The following WDR86 variants were observed in gnomAD, a reference collection of about 807,000 sequenced individuals.
The protein encoded by WDR86 is WD repeat-containing protein 86.
In WDR86, 30 loss-of-function variants were observed where a neutral mutation model predicts 36.5. That is an observed-to-expected ratio of 0.82 (90% CI 0.61 to 1.11). The LOEUF is 1.11. WDR86 is among the 50% of genes most tolerant of loss of function. The pLI, the probability that WDR86 is intolerant of heterozygous loss-of-function variation, is 0.00. For synonymous variants in WDR86, 255 were observed against 252.9 expected, an observed-to-expected ratio of 1.01 and a Z score of -0.08; for missense variants, 545 against 561.2, an observed-to-expected ratio of 0.97 and a Z score of 0.29.
downstream of WDR86, chr7:151,377,819 CCA>C (rs1798372196): frequency 6.6e-6 from 1 of 152,232 alleles, no homozygotes; most frequent in African/African-American, 2.4e-5. Flanking sequence ...GCCTGGGACG[CCA>C]GTGTTTTATG....
downstream of WDR86, chr7:151,377,313 A>T: frequency 1.0e-6 from 1 of 958,812 alleles, no homozygotes; most frequent in Non-Finnish European, 1.5e-6. Flanking sequence ...CTTACTTTTT[A>T]TCTGAATTAC....
chr7:151,376,718 C>T (rs1798292981), downstream of WDR86: 1 of 1,607,864 alleles, frequency 6.2e-7, no homozygotes. Flanking sequence ...CGCCCAGACC[C>T]TTGCTCACAA....
At chr7:151,387,153 G>C (rs1449348838) in intron 3 of WDR86, among the ~76,000 whole-genome samples, 18 of 152,160 alleles carry the variant, frequency 1.2e-4, no homozygotes. Flanking sequence ...AGTGGGCAAG[G>C]GTGGAATGTT....
At chr7:151,372,195 C>G (rs1368113765), downstream of WDR86, among the ~76,000 whole-genome samples, 1 of 152,228 alleles carries the variant, frequency 6.6e-6, no homozygotes, top group Non-Finnish European at 1.5e-5. Context: ...TACAGTGCCT[C>G]TCTCTTGAGA....
In WDR86 at chr7:151,401,006, G is replaced by C. The variant is rs1327325744; in HGVS notation, c.164-765C>G. Among the ~76,000 whole-genome samples the C allele has an allele frequency of 6.6e-6, 1 of 152,204 alleles. No individual in the cohort carries two copies. The highest frequency in any genetic ancestry group is 1.5e-5 in the Non-Finnish European group (1 of 68,050). On this transcript the variant is annotated intron_variant, in intron 1 of 5. Transcript: ENST00000334493. The surrounding 1 kb of genome is among the most constrained non-coding windows in gnomAD (Gnocchi z 4.3). ...GATTTAAGATGCCAGTGAGACATGT[G>C]ACGTATGAACAGGGATGCACAGCCA...
chr7:151,408,857 C>G (rs1038451093), intron 1 of WDR86: 1 of 467,242 alleles, frequency 2.1e-6, no homozygotes, highest in African/African-American at 2.0e-5. Context: ...CCATCTACCC[C>G]TCACTGGCTG....
chr7:151,371,002 A>G (rs1388318709), downstream of WDR86, among the ~76,000 whole-genome samples: 1 of 152,158 alleles, frequency 6.6e-6, no homozygotes, highest in Non-Finnish European at 1.5e-5. Context: ...CTCATCTTAC[A>G]CATGGGAAGA....
rs1801034775 is a variant in WDR86 at position 151,409,503 on chromosome 7, G to A, written c.87C>T (p.Arg29=). 3 of 1,533,174 alleles carry A rather than the reference G, an allele frequency of 2.0e-6. No individual in the cohort carries two copies. The African/African-American group carries it at 4.1e-5, about 21-fold the overall frequency. 95.0% of individuals were successfully genotyped at this position (1,533,174 alleles called of 1,614,324 possible). The part of the protein sequence containing the change: ...NWLSLSPDGQ[R]LLTGSEDGTA... ...TGCCGTCCTCGCTGCCCGTCAGCAG[G>A]CGCTGCCCGTCGGGGCTCAGGCTCA... Residue 29 remains arginine (R), a synonymous_variant, in exon 1 of 6, where the codon CGC becomes CGT. Transcript: ENST00000334493. This position sits in a 1 kb window ranked among gnomAD's most constrained non-coding sequence, Gnocchi z 5.2.
At chr7:151,385,395 G>T in intron 3 of WDR86, 172 bp from the exon 4 acceptor site, 2 of 1,198,996 alleles carry the variant, frequency 1.7e-6, no homozygotes, top group Non-Finnish European at 2.3e-6. Flanking sequence ...GCACCCAAAA[G>T]CAGGCGGCTG....
the WDR86 span, among the ~76,000 whole-genome samples, chr7:151,370,270 G>T: frequency 6.6e-6 from 1 of 152,018 alleles, no homozygotes; most frequent in Admixed American, 6.5e-5. Context: ...TGTATTTTTA[G>T]TAGAGATGGG....
chr7:151,410,052 T>C, upstream of WDR86: 3 of 987,150 alleles, frequency 3.0e-6, no homozygotes, highest in Non-Finnish European at 3.6e-6. Context: ...GCCTGGCTCC[T>C]CCTCAGAGAC....
intron 3 of WDR86, among the ~76,000 whole-genome samples, chr7:151,393,180 G>T (rs73474452): frequency 6.6e-6 from 1 of 152,222 alleles, no homozygotes; most frequent in South Asian, 2.1e-4. Context: ...ATGTACGTGC[G>T]TGGCTTGTCT....
Position 151,381,321 on chromosome 7 carries a change from C to CAGGACTAGGACTAG in WDR86, c.*260_*261insCTAGTCCTAGTCCT, listed in dbSNP as rs1239898708. The CAGGACTAGGACTAG allele has an allele frequency of 5.2e-5, 71 of 1,353,006 alleles. No individual in the cohort carries two copies. Among genetic ancestry groups the CAGGACTAGGACTAG allele is most frequent in the Non-Finnish European group, 6.5e-5 (69 of 1,058,644 alleles). The allele number at this position is 1,353,006 out of a possible 1,614,324, so 83.8% of individuals were successfully genotyped here. On this transcript the variant is annotated 3_prime_UTR_variant, in exon 6 of 6. Coordinates refer to ENST00000334493, the MANE Select transcript of WDR86 (RefSeq NM_198285.3). This position sits in a 1 kb window ranked among gnomAD's most constrained non-coding sequence, Gnocchi z 4.8. Reference sequence around the variant, plus strand: ...GGAGGGTCCCCAGGACTAGGCCTTTCGCCAGGTCAGGGATGGGGAGGGAGG... The same window carrying CAGGACTAGGACTAG: ...GGAGGGTCCCCAGGACTAGGCCTTTCAGGACTAGGACTAGGCCAGGTCAGGGATGGGGAGGGAGG...
At chr7:151,380,636 C>T (rs1178270263), downstream of WDR86, among the ~76,000 whole-genome samples, 1 of 152,074 alleles carries the variant, frequency 6.6e-6, no homozygotes, top group Admixed American at 6.5e-5. Context: ...CAGGGCCCCT[C>T]GGCAGACTGA....
At position 151,405,556 on chromosome 7, in the gene WDR86, TGG is replaced by T. The variant is rs1322201084; in HGVS notation, c.163+3869_163+3870del. 6.6e-6 allele frequency among the ~76,000 whole-genome samples: 1 copy of T among 152,186 alleles called. No homozygotes were observed. ...TCTGGGCCCAGAAGCACCAACAGCG[TGG>T]CTGGAATGGACACTGACGTGGCCAC... On this transcript the variant is annotated intron_variant, in intron 1 of 5. Transcript: ENST00000334493. The surrounding 1 kb of genome is among the most constrained non-coding windows in gnomAD (Gnocchi z 4.7).
chr7:151,400,282 T>C, intron 1 of WDR86, 41 bp from the exon 2 acceptor site: 1 of 1,497,528 alleles, frequency 6.7e-7, no homozygotes, highest in Non-Finnish European at 8.9e-7. Context: ...GTACTGGGGA[T>C]GCCAGCTCCT....
chr7:151,379,004 A>C (rs1798440965), downstream of WDR86, among the ~76,000 whole-genome samples: 1 of 152,150 alleles, frequency 6.6e-6, no homozygotes, highest in African/African-American at 2.4e-5. Flanking sequence ...GGCCTGCTCC[A>C]CCGGACAGGC....
At chr7:151,374,137 G>T (rs1439496753), downstream of WDR86, 1 of 1,571,840 alleles carries the variant, frequency 6.4e-7, no homozygotes, top group Non-Finnish European at 8.6e-7. Context: ...GAGAAGAAAA[G>T]ACGCCGCCTC....
chr7:151,403,097 C>T (rs1377602233), intron 1 of WDR86, among the ~76,000 whole-genome samples: 8 of 152,236 alleles, frequency 5.3e-5, no homozygotes, highest in African/African-American at 1.2e-4. Flanking sequence ...ACACCCACTG[C>T]GATGGCTACA....
Sources: allele counts gnomAD v4.1 joint callset (sites outside exome capture counted in the v4.1 genomes callset), GRCh38; gene constraint gnomAD v4.1.1; non-coding constraint Gnocchi (gnomAD v3.1); transcripts MANE v1.5; gene names NCBI Gene and HGNC (gene_info 2026-07-23, HGNC 2026-07-21).